CACNA2D3: variants seen among roughly 807,000 people sequenced by gnomAD.
CACNA2D3 encodes the protein calcium voltage-gated channel auxiliary subunit alpha2delta 3.
In CACNA2D3, 60 loss-of-function variants were observed where a neutral mutation model predicts 160.6. The ratio of observed to expected loss-of-function variants is 0.37; its 90% CI spans 0.30 to 0.46. The LOEUF (loss-of-function observed/expected upper bound fraction) is 0.46. Among genes scored for constraint, CACNA2D3 ranks in the 20% least tolerant of loss-of-function variants. CACNA2D3 has a pLI of 1.00. For missense variants in CACNA2D3, 1,205 were observed against 1,365.0 expected (o/e 0.88, Z 1.85); for synonymous variants, 558 against 492.9 (o/e 1.13, Z -1.75).
chr3:54,936,434 G>A (rs145131917), intron 27 of CACNA2D3, among the ~76,000 whole-genome samples: 10 of 152,136 alleles, frequency 6.6e-5, no homozygotes, highest in Admixed American at 5.2e-4. Context: ...CATCAAAGTC[G>A]CTCCACAAAC....
At chr3:54,910,188 T>C (rs1700527182) in intron 27 of CACNA2D3, among the ~76,000 whole-genome samples, 1 of 152,138 alleles carries the variant, frequency 6.6e-6, no homozygotes, top group Non-Finnish European at 1.5e-5. Context: ...TAGTAGGTAA[T>C]TGTCTTTCAA....
intron 26 of CACNA2D3, among the ~76,000 whole-genome samples, chr3:54,897,855 A>C (rs1403546404): frequency 6.6e-6 from 1 of 152,252 alleles, no homozygotes; most frequent in African/African-American, 2.4e-5. Flanking sequence ...TTAGGAAGAC[A>C]GTCCCTCATC....
chr3:54,551,793 A>G (rs1467843703), intron 5 of CACNA2D3, among the ~76,000 whole-genome samples: 1 of 152,206 alleles, frequency 6.6e-6, no homozygotes, highest in Non-Finnish European at 1.5e-5. Context: ...GCATTGTTCT[A>G]GTATTTGCTG....
intron 17 of CACNA2D3, among the ~76,000 whole-genome samples, chr3:54,854,431 C>T (rs955433375): frequency 1.3e-5 from 2 of 152,116 alleles, no homozygotes. Context: ...GGAGCTACGC[C>T]CTTTCTGCAA....
intron 2 of CACNA2D3, among the ~76,000 whole-genome samples, chr3:54,282,201 G>A (rs1702897047): frequency 6.6e-6 from 1 of 152,232 alleles, no homozygotes; most frequent in South Asian, 2.1e-4. Context: ...TGCAGGGTAG[G>A]TGGGAATGGA....
chr3:55,055,366 G>A (rs1469832519), intron 35 of CACNA2D3, among the ~76,000 whole-genome samples: 2 of 152,072 alleles, frequency 1.3e-5, no homozygotes, highest in African/African-American at 2.4e-5. Flanking sequence ...TATTTGTACA[G>A]GTTCATTTCT....
chr3:54,334,612 A>G (rs1471475326), intron 3 of CACNA2D3, among the ~76,000 whole-genome samples: 1 of 152,150 alleles, frequency 6.6e-6, no homozygotes, highest in Admixed American at 6.5e-5. Flanking sequence ...CTCTCTGGAT[A>G]TGGCAAGAAT....
chr3:54,371,826 A>G (rs1467453585), intron 3 of CACNA2D3, among the ~76,000 whole-genome samples: 2 of 152,220 alleles, frequency 1.3e-5, no homozygotes, highest in Admixed American at 1.3e-4. Context: ...AAGTCAAGAA[A>G]TCTCCAAAAG....
Position 54,721,390 on chromosome 3 carries a change from A to G in CACNA2D3, c.1168-31209A>G, listed in dbSNP as rs114724142. Among the ~76,000 whole-genome samples, 557 of 152,184 alleles carry G rather than the reference A, an allele frequency of 3.7e-3. 5 individuals are homozygous for G. The highest frequency in any genetic ancestry group is 0.013 in the African/African-American group (531 of 41,504). ...GATAAATGTGTCTGAAAATATTTTAATTTTGCTGTCATTTTAAAGAATGTT... is the reference window on the plus strand; with the variant it reads ...GATAAATGTGTCTGAAAATATTTTAGTTTTGCTGTCATTTTAAAGAATGTT... On this transcript the variant is annotated intron_variant, in intron 11 of 37. Transcript: ENST00000474759.
intron 11 of CACNA2D3, among the ~76,000 whole-genome samples, chr3:54,654,433 G>T (rs1248131933): frequency 2.0e-5 from 3 of 152,124 alleles, no homozygotes; most frequent in Non-Finnish European, 4.4e-5. Context: ...TGAACAGAGA[G>T]AATTTAATGT....
chr3:54,833,980 C>A (rs1703932823), intron 14 of CACNA2D3, among the ~76,000 whole-genome samples: 1 of 152,162 alleles, frequency 6.6e-6, no homozygotes, highest in African/African-American at 2.4e-5. Context: ...GAATGCATTT[C>A]CTTTGTTTAC....
At chr3:55,011,193 C>T (rs920933499) in intron 34 of CACNA2D3, among the ~76,000 whole-genome samples, 8 of 152,234 alleles carry the variant, frequency 5.3e-5, no homozygotes, top group African/African-American at 1.9e-4. Flanking sequence ...TAATCCATGC[C>T]TGTCCAGGCT....
At chr3:54,972,228 A>C (rs1251368546) in intron 29 of CACNA2D3, among the ~76,000 whole-genome samples, 5 of 152,184 alleles carry the variant, frequency 3.3e-5, no homozygotes, top group Non-Finnish European at 7.3e-5. Context: ...ACATGCTTTG[A>C]AAATTAAGCC....
At chr3:54,924,578 G>T in intron 27 of CACNA2D3, 1 of 1,465,206 alleles carries the variant, frequency 6.8e-7, no homozygotes, top group Non-Finnish European at 9.5e-7. Flanking sequence ...ATCCTAGGCT[G>T]GTAACACACA....
chr3:54,747,511 C>G (rs951492037), intron 11 of CACNA2D3, among the ~76,000 whole-genome samples: 3 of 152,154 alleles, frequency 2.0e-5, no homozygotes, highest in Non-Finnish European at 2.9e-5. Context: ...TATGCTCTAT[C>G]CTGCAGCCAG....
chr3:54,798,003 C>T (rs1300623881), intron 13 of CACNA2D3, among the ~76,000 whole-genome samples: 2 of 152,190 alleles, frequency 1.3e-5, no homozygotes, highest in Non-Finnish European at 2.9e-5. Context: ...GGTCCCACAC[C>T]TTTGATAGGT....
intron 11 of CACNA2D3, among the ~76,000 whole-genome samples, chr3:54,687,227 G>A (rs572375265): frequency 1.4e-5 from 2 of 142,742 alleles, no homozygotes; most frequent in East Asian, 2.3e-4. Context: ...TGCAGCCTCC[G>A]CCTCCCAGGT....
chr3:55,073,666 C>A, intron 36 of CACNA2D3, 109 bp downstream of exon 36: 2 of 1,231,780 alleles, frequency 1.6e-6, no homozygotes, highest in Non-Finnish European at 2.4e-6. Flanking sequence ...ACATCCTTTC[C>A]ACTGTTGGAG....
intron 13 of CACNA2D3, among the ~76,000 whole-genome samples, chr3:54,803,434 G>A (rs1314113574): frequency 3.3e-5 from 5 of 152,240 alleles, no homozygotes; most frequent in Non-Finnish European, 7.3e-5. Flanking sequence ...AGGAGCCGAT[G>A]TGATCAACTG....
Sources: allele counts gnomAD v4.1 joint callset (sites outside exome capture counted in the v4.1 genomes callset), GRCh38; gene constraint gnomAD v4.1.1; transcripts MANE v1.5; gene names NCBI Gene and HGNC (gene_info 2026-07-23, HGNC 2026-07-21).